Variants in KCND2 observed in about 807,000 individuals in gnomAD.
KCND2 encodes A-type voltage-gated potassium channel KCND2.
In KCND2, 16 loss-of-function variants were observed where a neutral mutation model predicts 54.4. That is an observed-to-expected ratio of 0.29 (90% confidence interval 0.20 to 0.45). The LOEUF (loss-of-function observed/expected upper bound fraction) is 0.45. KCND2 is among the 20% of genes least tolerant of loss of function. The pLI, the probability that KCND2 is intolerant of heterozygous loss-of-function variation, is 1.00. For synonymous variants in KCND2, 317 were observed against 310.7 expected (o/e 1.02, Z -0.21); for missense variants, 486 against 824.2 (o/e 0.59, Z 5.02).
At chr7:120,605,632 A>G (rs1347960406) in intron 1 of KCND2, among the ~76,000 whole-genome samples, 1 of 152,180 alleles carries the variant, frequency 6.6e-6, no homozygotes, top group Non-Finnish European at 1.5e-5. Context: ...TAACTTTTTG[A>G]GGTACTTCCA....
chr7:120,430,339 C>T (rs1037126499), intron 1 of KCND2, among the ~76,000 whole-genome samples: 5 of 152,146 alleles, frequency 3.3e-5, no homozygotes, highest in South Asian at 4.2e-4. Context: ...CTCATTTAAC[C>T]GTAATTCCCT....
intron 1 of KCND2, among the ~76,000 whole-genome samples, chr7:120,499,825 A>G (rs1459092580): frequency 2.0e-5 from 3 of 152,124 alleles, no homozygotes; most frequent in Non-Finnish European, 4.4e-5. Context: ...ATATAGCACA[A>G]AAATGTTTTT....
chr7:120,615,079 T>A (rs930625213), intron 1 of KCND2, among the ~76,000 whole-genome samples: 2 of 152,244 alleles, frequency 1.3e-5, no homozygotes, highest in Non-Finnish European at 2.9e-5. Context: ...ACCTGAGTGA[T>A]GTTTTTTAAC....
At chr7:120,590,405 T>C (rs191393522) in intron 1 of KCND2, among the ~76,000 whole-genome samples, 1 of 152,282 alleles carries the variant, frequency 6.6e-6, no homozygotes, top group East Asian at 1.9e-4. Flanking sequence ...AGAAATTGCA[T>C]GCCCCAAATC....
At position 120,749,540 on chromosome 7, in the gene KCND2, T is replaced by G. The variant is rs1321548102; in HGVS notation, c.*1682T>G. The G allele has an allele frequency of 6.6e-6, 1 of 152,322 alleles. No homozygotes were observed. Among genetic ancestry groups the G allele is most frequent in the African/African-American group, 2.4e-5 (1 of 41,440 alleles). 9.4% of individuals were successfully genotyped at this position (152,322 alleles called of 1,614,324 possible). The stretch of plus-strand genomic sequence containing the variant: ...AATTATCCCTCTGTCAGAGATGAGA[T>G]TTTTAAATGCTTATGATATTTAATC... On this transcript the variant is annotated 3_prime_UTR_variant, in exon 6 of 6. Transcript: ENST00000331113.
In KCND2 at chr7:120,402,974, A is replaced by G. The variant is rs557777205; in HGVS notation, c.1115+127227A>G. Among the ~76,000 whole-genome samples the G allele has an allele frequency of 2.0e-4, 31 of 152,310 alleles. No individual in the cohort carries two copies. The South Asian group carries it at 6.4e-3, about 32-fold the overall frequency. On this transcript the variant is annotated intron_variant, in intron 1 of 5. Transcript: ENST00000331113. ...TGGTATGTAATAAGTAAACTTGGGA[A>G]GCATAACTGGAAATACAGAAGATAC...
chr7:120,576,601 C>G (rs1792437279), intron 1 of KCND2, among the ~76,000 whole-genome samples: 1 of 152,034 alleles, frequency 6.6e-6, no homozygotes, highest in South Asian at 2.1e-4. Flanking sequence ...AAATCTCACA[C>G]TAACCAAAAT....
chr7:120,451,138 G>C (rs1012819038), intron 1 of KCND2, among the ~76,000 whole-genome samples: 2 of 152,058 alleles, frequency 1.3e-5, no homozygotes, highest in South Asian at 4.1e-4. Context: ...GGATCCCTGA[G>C]TTTTCCACTG....
chr7:120,375,048 C>T (rs1389600929), intron 1 of KCND2, among the ~76,000 whole-genome samples: 1 of 151,810 alleles, frequency 6.6e-6, no homozygotes, highest in Non-Finnish European at 1.5e-5. Flanking sequence ...GCCTCATGCC[C>T]AGCTCTTGGA....
chr7:120,274,493 A>T lies in KCND2; in HGVS notation c.-140A>T. 1 of 911,058 alleles carries T rather than the reference A, an allele frequency of 1.1e-6. No homozygotes were observed. The highest frequency in any genetic ancestry group is 1.8e-6 in the Non-Finnish European group (1 of 560,216). The allele number at this position is 911,058 out of a possible 1,614,324, so 56.4% of individuals were successfully genotyped here. On this transcript the variant is annotated 5_prime_UTR_variant, in exon 1 of 6. Transcript: ENST00000331113. ...GAACTGTGACTTTACCAGGAGCCCT[A>T]TCTTGGAATAAGAGTTACACCTCTG...
chr7:120,567,502 T>C (rs990801332), intron 1 of KCND2, among the ~76,000 whole-genome samples: 1 of 152,178 alleles, frequency 6.6e-6, no homozygotes, highest in Admixed American at 6.5e-5. Flanking sequence ...TGCAGATCTC[T>C]ATTTCAAAGG....
At chr7:120,353,793 A>C (rs1262393330) in intron 1 of KCND2, among the ~76,000 whole-genome samples, 1 of 152,104 alleles carries the variant, frequency 6.6e-6, no homozygotes, top group Non-Finnish European at 1.5e-5. Flanking sequence ...TGCCTTTTTC[A>C]TTCTATTGAT....
At chr7:120,610,012 T>C (rs949460626) in intron 1 of KCND2, among the ~76,000 whole-genome samples, 1 of 152,194 alleles carries the variant, frequency 6.6e-6, no homozygotes, top group Non-Finnish European at 1.5e-5. Context: ...GGAAAGAGTA[T>C]AGTAATTATT....
rs1456616483 is a variant in KCND2, at chr7:120,741,604, A to T, written c.1349A>T (p.Asn450Ile). 5.0e-6 allele frequency: 8 copies of T among 1,612,492 alleles called. No homozygotes were observed. Among genetic ancestry groups the T allele is most frequent in the Non-Finnish European group, 5.9e-6 (7 of 1,178,726 alleles). ...SANAYMQSKR[N>I]GLLSNQLQSS... ...AATGCTTACATGCAGAGCAAACGGAATGGTTTACTCAGTAATCAGCTGCAG... is the reference window on the plus strand; with the variant it reads ...AATGCTTACATGCAGAGCAAACGGATTGGTTTACTCAGTAATCAGCTGCAG... The change falls in exon 3 of 6, where the codon AAT becomes ATT. Residue 450 changes from asparagine (N) to isoleucine (I), a missense_variant. Coordinates refer to ENST00000331113, the MANE Select transcript of KCND2 (RefSeq NM_012281.3).
intron 1 of KCND2, among the ~76,000 whole-genome samples, chr7:120,674,438 G>A (rs552844967): frequency 1.4e-4 from 21 of 150,224 alleles, no homozygotes; most frequent in Non-Finnish European, 2.7e-4. Flanking sequence ...TGTATCCTGA[G>A]GGTCCGGTAT....
At chr7:120,325,801 G>A (rs186587691) in intron 1 of KCND2, among the ~76,000 whole-genome samples, 3 of 152,180 alleles carry the variant, frequency 2.0e-5, no homozygotes, top group African/African-American at 7.2e-5. Context: ...GAGATTTTTG[G>A]AGTTTATGAT....
chr7:120,289,408 A>G (rs1421536644), intron 1 of KCND2, among the ~76,000 whole-genome samples: 1 of 152,086 alleles, frequency 6.6e-6, no homozygotes, highest in African/African-American at 2.4e-5. Flanking sequence ...TAACCAACAA[A>G]ATCAAGCAAA....
chr7:120,472,723 C>T (rs779266361), intron 1 of KCND2, among the ~76,000 whole-genome samples: 36 of 152,076 alleles, frequency 2.4e-4, no homozygotes, highest in Admixed American at 3.3e-4. Context: ...AGGCTCTTGA[C>T]ACTTAGGAAT....
chr7:120,542,992 T>C (rs1343144751), intron 1 of KCND2, among the ~76,000 whole-genome samples: 1 of 152,048 alleles, frequency 6.6e-6, no homozygotes, highest in Non-Finnish European at 1.5e-5. Flanking sequence ...CAGAAAAAGA[T>C]AATACACACT....
Sources: allele counts gnomAD v4.1 joint callset (sites outside exome capture counted in the v4.1 genomes callset), GRCh38; gene constraint gnomAD v4.1.1; transcripts MANE v1.5; gene names NCBI Gene and HGNC (gene_info 2026-07-23, HGNC 2026-07-21).